The following SLC25A12 variants were observed in gnomAD, a reference collection of about 807,000 sequenced individuals.
The protein encoded by SLC25A12 is solute carrier family 25 member 12.
A neutral mutation model predicts 83.3 loss-of-function variants in SLC25A12; 32 were observed. The observed-to-expected ratio is 0.38, with a 90% CI of 0.29 to 0.52. The LOEUF (loss-of-function observed/expected upper bound fraction) is 0.52. SLC25A12 is among the 20% of genes least tolerant of loss of function. The pLI, the probability that SLC25A12 is intolerant of heterozygous loss-of-function variation, is 0.84. For missense variants in SLC25A12, 611 were observed against 835.6 expected (o/e 0.73, Z 3.31); for synonymous variants, 267 against 291.1 (o/e 0.92, Z 0.84).
At chr2:171,821,595 T>A (rs1684194728) in intron 9 of SLC25A12, among the ~76,000 whole-genome samples, 1 of 152,240 alleles carries the variant, frequency 6.6e-6, no homozygotes. Context: ...GATATTAAAC[T>A]TTTCTATTAT....
At chr2:171,803,725 G>A (rs1558911990) in intron 13 of SLC25A12, among the ~76,000 whole-genome samples, 1 of 152,042 alleles carries the variant, frequency 6.6e-6, no homozygotes, top group Non-Finnish European at 1.5e-5. Flanking sequence ...GTTCGAGGCT[G>A]TAGCATGTGA....
chr2:171,863,558 C>T (rs1685215611), intron 3 of SLC25A12, among the ~76,000 whole-genome samples: 1 of 151,508 alleles, frequency 6.6e-6, no homozygotes, highest in Non-Finnish European at 1.5e-5. Context: ...AAGAAAATGT[C>T]CTACTTTAAC....
In SLC25A12 at chr2:171,868,833, T is replaced by C; in HGVS notation, c.67-10A>G. 6.2e-7 allele frequency: 1 copy of C among 1,601,640 alleles called. No individual in the cohort carries two copies. Among genetic ancestry groups the C allele is most frequent in the Non-Finnish European group, 8.6e-7 (1 of 1,168,906 alleles). ...CCTCAGTACTGGCATACTAAAAAAATAAATAAATAATGCATACTGAAAAAT... is the reference window on the plus strand; with the variant it reads ...CCTCAGTACTGGCATACTAAAAAAACAAATAAATAATGCATACTGAAAAAT... On this transcript the variant is annotated splice_polypyrimidine_tract_variant and intron_variant, in intron 2 of 17. Transcript: ENST00000422440.
At chr2:171,801,819 T>C (rs1403690291) in intron 13 of SLC25A12, among the ~76,000 whole-genome samples, 1 of 152,100 alleles carries the variant, frequency 6.6e-6, no homozygotes, top group South Asian at 2.1e-4. Flanking sequence ...AGGTTAGGTG[T>C]ATTAAGTGCA....
At chr2:171,828,281 A>G (rs1684354155) in intron 8 of SLC25A12, among the ~76,000 whole-genome samples, 1 of 152,206 alleles carries the variant, frequency 6.6e-6, no homozygotes, top group Non-Finnish European at 1.5e-5. Context: ...TTTCCTAGTT[A>G]AAGTCCCTAA....
intron 17 of SLC25A12, among the ~76,000 whole-genome samples, 188 bp downstream of exon 17, chr2:171,787,383 G>C (rs140492639): frequency 1.3e-5 from 2 of 152,148 alleles, no homozygotes; most frequent in African/African-American, 4.8e-5. Context: ...TATTATGTAC[G>C]ATGTCACTCT....
intron 15 of SLC25A12, chr2:171,788,385 ATTCTTGTCG>A (rs1690529689): frequency 4.9e-6 from 1 of 202,346 alleles, no homozygotes; most frequent in Non-Finnish European, 1.0e-5. Context: ...GTTTTTGCTG[ATTCTTGTCG>A]TAGTGTGGGA....
At chr2:171,813,616 A>G in intron 10 of SLC25A12, 119 bp from the exon 11 acceptor site, 2 of 1,137,280 alleles carry the variant, frequency 1.8e-6, no homozygotes, top group South Asian at 1.3e-5. Flanking sequence ...TTCTCACAAA[A>G]GAGAGTTTAT....
intron 6 of SLC25A12, among the ~76,000 whole-genome samples, chr2:171,836,361 C>T (rs1042074256): frequency 2.0e-5 from 3 of 152,144 alleles, no homozygotes; most frequent in African/African-American, 4.8e-5. Flanking sequence ...ATAAGTACAA[C>T]GCATAGACAA....
intron 9 of SLC25A12, among the ~76,000 whole-genome samples, chr2:171,821,366 T>G (rs933084949): frequency 1.3e-5 from 2 of 152,154 alleles, no homozygotes; most frequent in African/African-American, 2.4e-5. Context: ...ACATTTTTGT[T>G]AGGGACTACA....
chr2:171,840,385 CAA>C (rs1355127872), intron 5 of SLC25A12, among the ~76,000 whole-genome samples: 3 of 137,796 alleles, frequency 2.2e-5, no homozygotes, highest in Admixed American at 7.3e-5. Flanking sequence ...GACCCTGACT[CAA>C]AAAAAAAAGA....
rs188932470 is a variant in SLC25A12, at chr2:171,816,950, T to C, written c.931-1748A>G. ...TGTATGTGATGTGAAGGTGGCAACTTTGGGTGGTAATTAGGTCATGAAAAT... is the reference window on the plus strand; with the variant it reads ...TGTATGTGATGTGAAGGTGGCAACTCTGGGTGGTAATTAGGTCATGAAAAT... On this transcript the variant is annotated intron_variant, in intron 9 of 17. Coordinates refer to ENST00000422440, the MANE Select transcript of SLC25A12 (RefSeq NM_003705.5). 9.3e-4 allele frequency among the ~76,000 whole-genome samples: 142 copies of C among 152,234 alleles called. 1 individual carries two copies. The highest frequency in any genetic ancestry group is 3.2e-3 in the African/African-American group (131 of 41,542).
At chr2:171,809,554 A>G (rs1357026714) in intron 13 of SLC25A12, 52 bp downstream of exon 13, 1 of 1,367,006 alleles carries the variant, frequency 7.3e-7, no homozygotes, top group Non-Finnish European at 1.0e-6. Flanking sequence ...ATCTGTGCAA[A>G]AAGGTCAACG....
chr2:171,845,382 C>CAAA (rs879467144), intron 4 of SLC25A12, among the ~76,000 whole-genome samples: 2 of 135,498 alleles, frequency 1.5e-5, no homozygotes. Context: ...AAGCTCATGC[C>CAAA]AAAAAAAAAA....
At chr2:171,819,758 CCTATATGTG>C (rs1436252019) in intron 9 of SLC25A12, among the ~76,000 whole-genome samples, 1 of 151,966 alleles carries the variant, frequency 6.6e-6, no homozygotes, top group East Asian at 1.9e-4. Context: ...GTAATGTCTT[CCTATATGTG>C]CTCATGAATC....
chr2:171,785,096 G>A lies in SLC25A12; in HGVS notation c.*178C>T, dbSNP rs372390497. The A allele has an allele frequency of 1.6e-6, 1 of 639,650 alleles. No individual in the cohort carries two copies. The highest frequency in any genetic ancestry group is 1.8e-5 in the South Asian group (1 of 56,826). The allele number at this position is 639,650 out of a possible 1,614,324, so 39.6% of individuals were successfully genotyped here. A position where few individuals can be genotyped will look rare whatever the true frequency, so the allele number is the denominator to read the frequency against. ...GACTAAAGCTTGAAACAGCGTTGTG[G>A]TTTTTTCCCTGGGCAAATGATTATT... On this transcript the variant is annotated 3_prime_UTR_variant, in exon 18 of 18. Transcript: ENST00000422440.
At chr2:171,817,028 G>A (rs1684063141) in intron 9 of SLC25A12, among the ~76,000 whole-genome samples, 1 of 151,956 alleles carries the variant, frequency 6.6e-6, no homozygotes, top group East Asian at 1.9e-4. Context: ...CAAGAAAGAC[G>A]ACCTCCCTCT....
chr2:171,815,039 C>A, intron 10 of SLC25A12, 82 bp downstream of exon 10: 1 of 1,119,712 alleles, frequency 8.9e-7, no homozygotes, highest in Non-Finnish European at 1.4e-6. Context: ...CAATGAACTG[C>A]ACCTTTGCTG....
intron 3 of SLC25A12, among the ~76,000 whole-genome samples, chr2:171,868,376 C>T (rs1207863355): frequency 3.5e-5 from 5 of 142,910 alleles, no homozygotes; most frequent in African/African-American, 1.3e-4. Context: ...TGCAGCAGCT[C>T]GATCTCGGCG....
Sources: allele counts gnomAD v4.1 joint callset (sites outside exome capture counted in the v4.1 genomes callset), GRCh38; gene constraint gnomAD v4.1.1; transcripts MANE v1.5; gene names NCBI Gene and HGNC (gene_info 2026-07-23, HGNC 2026-07-21).